C1S: variants seen among roughly 807,000 people sequenced by gnomAD.
C1S encodes the protein complement C1s, also known as complement C1s subcomponent.
Under a neutral mutation model 54.0 loss-of-function variants are expected in C1S, and 31 were observed. That is an observed-to-expected ratio of 0.57 (90% CI 0.43 to 0.78). The LOEUF (loss-of-function observed/expected upper bound fraction) is 0.78, where lower values mean the gene tolerates loss of function less well. C1S is among the 30% of genes least tolerant of loss of function. The pLI, the probability that C1S is intolerant of heterozygous loss-of-function variation, is 0.00. For missense variants in C1S, 727 were observed against 851.8 expected (o/e 0.85, Z 1.82); for synonymous variants, 292 against 303.6 (o/e 0.96, Z 0.40).
At chr12:7,066,997 ATC>A (rs1555162358) in intron 8 of C1S, 40 bp from the exon 9 acceptor site, 4 of 1,455,116 alleles carry the variant, frequency 2.7e-6, no homozygotes, top group African/African-American at 2.8e-5. Context: ...GGTTTCCCAT[ATC>A]TCTCTTCAGA....
At chr12:7,063,832 C>T in intron 4 of C1S, 1 of 365,006 alleles carries the variant, frequency 2.7e-6, no homozygotes. Flanking sequence ...CAAGACCAGC[C>T]TGGCCAACAT....
At chr12:7,066,904 G>C (rs1464756633) in intron 8 of C1S, 135 bp from the exon 9 acceptor site, 7 of 746,616 alleles carry the variant, frequency 9.4e-6, no homozygotes, top group Middle Eastern at 2.3e-4. Context: ...GGGTGCTTTA[G>C]GTCTGCTAAG....
intron 1 of C1S, 66 bp downstream of exon 1, chr12:7,060,943 G>A (rs1206946992): frequency 4.6e-5 from 7 of 152,310 alleles, no homozygotes; most frequent in African/African-American, 1.2e-4. Flanking sequence ...AAAACTTCAC[G>A]TAGGAGGGCT....
chr12:7,068,815 G>T, intron 11 of C1S: 2 of 461,990 alleles, frequency 4.3e-6, no homozygotes, highest in Admixed American at 6.6e-5. Context: ...TAAAAACAGG[G>T]CCTGAAAGCT....
At chr12:7,063,672 G>A (rs1358075195) in intron 4 of C1S, among the ~76,000 whole-genome samples, 2 of 152,190 alleles carry the variant, frequency 1.3e-5, no homozygotes, top group Non-Finnish European at 2.9e-5. Flanking sequence ...ACCTTGCAGA[G>A]TGTCATTCCT....
chr12:7,070,504 T>A lies in C1S; in HGVS notation c.1920T>A (p.Asp640Glu). 3.7e-6 allele frequency: 6 copies of A among 1,613,940 alleles called. No homozygotes were observed. Among genetic ancestry groups the A allele is most frequent in the Non-Finnish European group, 5.1e-6 (6 of 1,179,900 alleles). ...GDSGGAFAVQ[D>E]PNDKTKFYAA... Reference sequence around the variant, plus strand: ...GTGGTGGGGCCTTTGCTGTACAGGATCCCAATGACAAGACCAAATTCTACG... The same window carrying A: ...GTGGTGGGGCCTTTGCTGTACAGGAACCCAATGACAAGACCAAATTCTACG... Residue 640 changes from aspartate (D) to glutamate (E), a missense_variant, in exon 12 of 12, where the codon GAT (aspartate) becomes GAA (glutamate). Physicochemically the swap from Asp to Glu is conservative, Grantham distance 45. This residue lies in a region of C1S where 360 missense variants were observed against 453.6 expected (regional missense o/e 0.79). Coordinates refer to ENST00000360817, the MANE Select transcript of C1S (RefSeq NM_001734.5). This position sits in a 1 kb window ranked among gnomAD's most constrained non-coding sequence, Gnocchi z 4.9.
Position 7,065,242 on chromosome 12 carries a change from AG to A in C1S, c.661del (p.Glu221LysfsTer18). 6.2e-7 allele frequency: 1 copy of A among 1,614,138 alleles called. No homozygotes were observed. Among genetic ancestry groups the A allele is most frequent in the Non-Finnish European group, 8.5e-7 (1 of 1,180,012 alleles). ...TCCAAGTGGTGGTGACCTTGCGGAG[AG>A]AAGATTTTGATGTGGAAGCAGCTGA... ...GFQVVVTLRREDFDVEAADSA... is the reference protein window; with the variant it reads ...GFQVVVTLRRXDFDVEAADSA... On this transcript the variant is annotated frameshift_variant, in exon 6 of 12. Coordinates refer to ENST00000360817, the MANE Select transcript of C1S (RefSeq NM_001734.5). LOFTEE classifies it high-confidence loss of function.
In C1S at chr12:7,069,527, G is replaced by A. The variant is rs117418709; in HGVS notation, c.1271-328G>A. ...GCACCGGCCTCATGTGCCGAGTTGG[G>A]AGGTGCAAAGGGGACCCCTGCCTCC... On this transcript the variant is annotated intron_variant, in intron 11 of 11. Coordinates refer to ENST00000360817, the MANE Select transcript of C1S (RefSeq NM_001734.5). Among the ~76,000 whole-genome samples, 45 of 152,352 alleles carry A rather than the reference G, an allele frequency of 3.0e-4. No individual in the cohort carries two copies. The East Asian group carries it at 8.3e-3, about 28-fold the overall frequency.
In C1S at chr12:7,069,944, T is replaced by C. The variant is rs1555162913; in HGVS notation, c.1360T>C (p.Phe454Leu). The C allele has an allele frequency of 6.2e-7, 1 of 1,614,174 alleles. No homozygotes were observed. The highest frequency in any genetic ancestry group is 2.2e-5 in the East Asian group (1 of 44,876). Residue 454 changes from phenylalanine to leucine, a missense_variant, in exon 12 of 12, where the codon TTC becomes CTC. This residue lies in a region of C1S where 360 missense variants were observed against 453.6 expected (regional missense o/e 0.79). Transcript: ENST00000360817. Reference protein sequence around the residue: ...ADIKNFPWQVFFDNPWAGGAL... With the variant: ...ADIKNFPWQVLFDNPWAGGAL... ...TATTAAAAACTTCCCCTGGCAAGTC[T>C]TCTTTGACAACCCATGGGCTGGTGG...
Position 7,068,441 on chromosome 12 carries a change from T to C in C1S, c.1196-15T>C. 1 of 1,600,720 alleles carries C rather than the reference T, an allele frequency of 6.2e-7. No homozygotes were observed. The highest frequency in any genetic ancestry group is 8.6e-7 in the Non-Finnish European group (1 of 1,167,794). On this transcript the variant is annotated splice_polypyrimidine_tract_variant and intron_variant, in intron 10 of 11. Coordinates refer to ENST00000360817, the MANE Select transcript of C1S (RefSeq NM_001734.5). ...GTGGTGGTGAGTGTGGCCTGTGTTC[T>C]CTGTGCTATTCCAGGGGAGTATCAC...
chr12:7,068,496 G>A lies in C1S; in HGVS notation c.1236G>A (p.Glu412=), dbSNP rs199547819. 6.8e-6 allele frequency: 11 copies of A among 1,613,986 alleles called. No homozygotes were observed. The highest frequency in any genetic ancestry group is 5.0e-5 in the Admixed American group (3 of 60,024). ...HCAGNGSWVN[E]VLGPELPKCV... is the part of the protein sequence containing the mutation. Reference sequence around the variant, plus strand: ...CTGGTAACGGGAGCTGGGTGAATGAGGTGCTGGGCCCGGAGCTGCCGAAAT... The same window carrying A: ...CTGGTAACGGGAGCTGGGTGAATGAAGTGCTGGGCCCGGAGCTGCCGAAAT... The change falls in exon 11 of 12, where the codon GAG becomes GAA. Residue 412 remains glutamate, a synonymous_variant. Coordinates refer to ENST00000360817, the MANE Select transcript of C1S (RefSeq NM_001734.5).
rs1433632013 is a variant in C1S at position 7,066,853 on chromosome 12, T to C, written c.988-186T>C. Reference sequence around the variant, plus strand: ...CTTCAGTCTTCTTGAGGAAGGGGAGTTGACACGTTGGGGCAAAGCTTTCTG... The same window carrying C: ...CTTCAGTCTTCTTGAGGAAGGGGAGCTGACACGTTGGGGCAAAGCTTTCTG... On this transcript the variant is annotated intron_variant, in intron 8 of 11. Transcript: ENST00000360817. The C allele has an allele frequency of 9.9e-6, 7 of 706,910 alleles. No homozygotes were observed. The African/African-American group carries it at 1.2e-4, about 12-fold the overall frequency. The allele number at this position is 706,910 out of a possible 1,614,324, so 43.8% of individuals were successfully genotyped here.
intron 6 of C1S, 163 bp downstream of exon 6, chr12:7,065,462 C>T (rs782689410): frequency 2.7e-5 from 19 of 707,726 alleles, no homozygotes; most frequent in East Asian, 8.0e-5. Context: ...CTCAAGCAAG[C>T]GTCCCACCTC....
At chr12:7,063,354 A>G in intron 4 of C1S, 1 of 513,514 alleles carries the variant, frequency 1.9e-6, no homozygotes, top group Middle Eastern at 3.0e-4. Context: ...TTCCTATTTT[A>G]ACACAATCGT....
rs371999724 is a variant in C1S at position 7,068,541 on chromosome 12, C to A, written c.1270+11C>A. On this transcript the variant is annotated intron_variant, in intron 11 of 11. Coordinates refer to ENST00000360817, the MANE Select transcript of C1S (RefSeq NM_001734.5). ...CGAAATGTGTTCCAGGTAAGGAGGGCTGAGGCTTGGGGAGAGATGATAGCC... is the reference window on the plus strand; with the variant it reads ...CGAAATGTGTTCCAGGTAAGGAGGGATGAGGCTTGGGGAGAGATGATAGCC... 1.2e-6 allele frequency: 2 copies of A among 1,601,760 alleles called. No individual in the cohort carries two copies. The highest frequency in any genetic ancestry group is 2.7e-5 in the African/African-American group (2 of 74,646).
At position 7,063,065 on chromosome 12, in the gene C1S, C is replaced by T. The variant is rs782125272; in HGVS notation, c.389C>T (p.Thr130Ile). Reference protein sequence around the residue: ...FTGFAAYYVATDINECTDFVD... With the variant: ...FTGFAAYYVAIDINECTDFVD... ...GGGTTTGCTGCATACTATGTTGCCACAGGTAAGGCTCACCCTTCTGCATGT... is the reference window on the plus strand; with the variant it reads ...GGGTTTGCTGCATACTATGTTGCCATAGGTAAGGCTCACCCTTCTGCATGT... Residue 130 changes from threonine (T) to isoleucine (I), a missense_variant and splice_region_variant, in exon 4 of 12, where the codon ACA becomes ATA. Around this residue, in one of 3 missense-constraint regions of C1S, gnomAD observed 357 missense variants for 365.4 expected, o/e 0.98. Coordinates refer to ENST00000360817, the MANE Select transcript of C1S (RefSeq NM_001734.5). 4.3e-6 allele frequency: 7 copies of T among 1,612,474 alleles called. No individual in the cohort carries two copies. The East Asian group carries it at 1.6e-4, about 36-fold the overall frequency.
Position 7,062,877 on chromosome 12 carries a change from ACTCTT to A in C1S, c.214-7_214-3del, listed in dbSNP as rs1565619681. The A allele has an allele frequency of 1.2e-6, 2 of 1,610,858 alleles. No individual in the cohort carries two copies. Among genetic ancestry groups the A allele is most frequent in the Admixed American group, 1.7e-5 (1 of 59,586 alleles). ...CCCTTTCCTAGATTTTTTTTTTGTG[ACTCTT>A]CTCTTAGATAATCTCAGGAGACACT... On this transcript the variant is annotated splice_region_variant and splice_polypyrimidine_tract_variant and intron_variant, in intron 3 of 11. Transcript: ENST00000360817.
chr12:7,069,784 GTGGT>G, intron 11 of C1S, 67 bp from the exon 12 acceptor site: 1 of 1,266,256 alleles, frequency 7.9e-7, no homozygotes, highest in Non-Finnish European at 1.2e-6. Flanking sequence ...CATTATGTGA[GTGGT>G]TGGAGGATTT....
rs1937685106 is a variant in C1S, at chr12:7,067,041, A to T, written c.990A>T (p.Gly330=). ...TGGTGATGTTTATTATTCTCCAGGG[A>T]CGTGTTGGTGCAACATCTTTCTATT... ...TCLDGFEVVE[G]RVGATSFYST... The change falls in exon 9 of 12, where the codon GGA becomes GGT. Residue 330 remains glycine, a splice_region_variant and synonymous_variant. Transcript: ENST00000360817. The T allele has an allele frequency of 6.2e-7, 1 of 1,608,328 alleles. No homozygotes were observed. The highest frequency in any genetic ancestry group is 8.5e-7 in the Non-Finnish European group (1 of 1,174,854).
Sources: gnomAD v4.1 joint callset for allele counts (sites outside exome capture counted in the v4.1 genomes callset) on GRCh38, gnomAD v4.1.1 for gene constraint, gnomAD v4.1.1 regional missense constraint, Gnocchi (gnomAD v3.1) non-coding constraint, MANE v1.5 for transcripts, NCBI Gene and HGNC (gene_info 2026-07-23, HGNC 2026-07-21) for gene names.